ARHGEF37: variants seen among roughly 807,000 people sequenced by gnomAD.
The protein encoded by ARHGEF37 is Rho guanine nucleotide exchange factor 37.
A neutral mutation model predicts 71.1 loss-of-function variants in ARHGEF37; 55 were observed. The ratio of observed to expected loss-of-function variants is 0.77; its 90% CI spans 0.62 to 0.97. ARHGEF37 has a LOEUF of 0.97. Among genes scored for constraint, ARHGEF37 ranks in the 50% least tolerant of loss-of-function variants. ARHGEF37 has a pLI of 0.00. For synonymous variants in ARHGEF37, 327 were observed against 350.6 expected (o/e 0.93, Z 0.75); for missense variants, 765 against 836.8 (o/e 0.91, Z 1.06).
chr5:149,601,017 T>G, intron 2 of ARHGEF37, 91 bp from the exon 3 acceptor site: 1 of 1,396,812 alleles, frequency 7.2e-7, no homozygotes, highest in South Asian at 1.4e-5. Context: ...GTGATGGGAA[T>G]GGTGTGAGTG....
intron 1 of ARHGEF37, among the ~76,000 whole-genome samples, chr5:149,575,075 A>G (rs1308417250): frequency 6.6e-6 from 1 of 152,182 alleles, no homozygotes; most frequent in Admixed American, 6.5e-5. Context: ...TGAGTATGGC[A>G]CCCATGCCCT....
At chr5:149,587,872 G>C (rs1042453695) in intron 1 of ARHGEF37, among the ~76,000 whole-genome samples, 30 of 148,498 alleles carry the variant, frequency 2.0e-4, no homozygotes, top group African/African-American at 7.0e-4. Flanking sequence ...TCTTGTTTCT[G>C]TAGGTCTTCC....
intron 3 of ARHGEF37, among the ~76,000 whole-genome samples, chr5:149,602,565 G>T (rs1763787514): frequency 6.6e-6 from 1 of 151,538 alleles, no homozygotes; most frequent in Non-Finnish European, 1.5e-5. Flanking sequence ...ATGGCTCACT[G>T]CAGCCTCTAC....
At chr5:149,553,892 G>C (rs368150408) in intron 1 of ARHGEF37, among the ~76,000 whole-genome samples, 95 of 152,296 alleles carry the variant, frequency 6.2e-4, no homozygotes, top group African/African-American at 2.2e-3. Context: ...TTGAGCCCGG[G>C]TGCAGTGGCT....
intron 1 of ARHGEF37, among the ~76,000 whole-genome samples, chr5:149,558,200 G>A (rs1436847011): frequency 6.6e-6 from 1 of 151,388 alleles, no homozygotes; most frequent in Non-Finnish European, 1.5e-5. Flanking sequence ...CTTTTTTTAC[G>A]TTCTTAGAAA....
At chr5:149,571,057 C>T (rs1314022202) in intron 1 of ARHGEF37, among the ~76,000 whole-genome samples, 1 of 151,842 alleles carries the variant, frequency 6.6e-6, no homozygotes, top group African/African-American at 2.4e-5. Context: ...ATTCTCCTGC[C>T]TCAGCCTCCC....
At chr5:149,591,317 A>C (rs1763399171) in intron 1 of ARHGEF37, among the ~76,000 whole-genome samples, 1 of 152,090 alleles carries the variant, frequency 6.6e-6, no homozygotes, top group African/African-American at 2.4e-5. Context: ...TCCTGAGCTC[A>C]GTCAATCCAC....
rs187760278 is a variant in ARHGEF37, at chr5:149,619,136, C to T, written c.894+94C>T. ...CCCAGCCTACAAGCTGGGAAAGGCA[C>T]CAGCCTCAGAAACCAACCAGATGAG... is the stretch of plus-strand genomic sequence containing the variant. On this transcript the variant is annotated intron_variant, in intron 7 of 12. Coordinates refer to ENST00000333677, the MANE Select transcript of ARHGEF37 (RefSeq NM_001001669.3). 1.1e-4 allele frequency: 113 copies of T among 1,048,752 alleles called. 1 individual carries two copies. In the East Asian group the frequency reaches 2.5e-3, roughly 23 times the overall value. 65.0% of individuals were successfully genotyped at this position (1,048,752 alleles called of 1,614,324 possible). A position where few individuals can be genotyped will look rare whatever the true frequency, so the allele number is the denominator to read the frequency against.
At chr5:149,598,539 C>T (rs922940161) in intron 2 of ARHGEF37, among the ~76,000 whole-genome samples, 14 of 150,430 alleles carry the variant, frequency 9.3e-5, no homozygotes, top group African/African-American at 2.9e-4. Flanking sequence ...TCTCTTTATT[C>T]GATCACAAAG....
intron 1 of ARHGEF37, among the ~76,000 whole-genome samples, chr5:149,588,227 T>TTTGTTTGC (rs5872137): frequency 3.9e-4 from 59 of 151,498 alleles, no homozygotes; most frequent in East Asian, 7.9e-4. Flanking sequence ...TGTTTGTTTG[T>TTTGTTTGC]TTGCTTTGAG....
At chr5:149,588,823 G>T (rs1392565096) in intron 1 of ARHGEF37, among the ~76,000 whole-genome samples, 1 of 152,170 alleles carries the variant, frequency 6.6e-6, no homozygotes, top group Non-Finnish European at 1.5e-5. Context: ...CTAGCTGATG[G>T]ATCCTCAACT....
intron 1 of ARHGEF37, among the ~76,000 whole-genome samples, chr5:149,557,918 T>A (rs1040720858): frequency 6.7e-6 from 1 of 149,400 alleles, no homozygotes; most frequent in Non-Finnish European, 1.5e-5. Flanking sequence ...CAGGCTGGAG[T>A]GCAATGGCAC....
At chr5:149,611,258 C>T (rs567659510) in intron 4 of ARHGEF37, among the ~76,000 whole-genome samples, 2 of 152,322 alleles carry the variant, frequency 1.3e-5, no homozygotes, top group South Asian at 4.1e-4. Flanking sequence ...GCAGGAGCTT[C>T]ATAGTGACAA....
At chr5:149,559,760 T>G (rs1271798520) in intron 1 of ARHGEF37, among the ~76,000 whole-genome samples, 1 of 152,216 alleles carries the variant, frequency 6.6e-6, no homozygotes, top group Non-Finnish European at 1.5e-5. Flanking sequence ...AAGAGATTGT[T>G]AGGTTTTCTT....
chr5:149,578,840 T>G (rs527756420), upstream of ARHGEF37, among the ~76,000 whole-genome samples: 12 of 152,202 alleles, frequency 7.9e-5, no homozygotes, highest in Non-Finnish European at 1.8e-4. Flanking sequence ...ACTGAGAAAA[T>G]AATGCCCCTT....
chr5:149,631,940 T>G, intron 12 of ARHGEF37, 42 bp from the exon 13 acceptor site: 2 of 1,603,318 alleles, frequency 1.2e-6, no homozygotes, highest in South Asian at 1.1e-5. Flanking sequence ...CTGTCTACCT[T>G]CTCACCCTGA....
upstream of ARHGEF37, among the ~76,000 whole-genome samples, chr5:149,577,897 A>G (rs1320632796): frequency 6.6e-6 from 1 of 152,248 alleles, no homozygotes; most frequent in African/African-American, 2.4e-5. Context: ...GAATGAAGAG[A>G]AGCAGGCAAT....
At chr5:149,618,796 C>A (rs764614309) in intron 6 of ARHGEF37, 142 bp from the exon 7 acceptor site, 9 of 705,996 alleles carry the variant, frequency 1.3e-5, no homozygotes, top group Non-Finnish European at 2.3e-5. Flanking sequence ...AGCTACACCA[C>A]CCTCTCAGCT....
At chr5:149,615,308 T>C in intron 4 of ARHGEF37, among the ~76,000 whole-genome samples, 1 of 151,038 alleles carries the variant, frequency 6.6e-6, no homozygotes, top group East Asian at 1.9e-4. Flanking sequence ...CTAGTTAATT[T>C]TTTTTTTTTT....
Sources: gnomAD v4.1 joint callset for allele counts (sites outside exome capture counted in the v4.1 genomes callset) on GRCh38, gnomAD v4.1.1 for gene constraint, MANE v1.5 for transcripts, NCBI Gene and HGNC (gene_info 2026-07-23, HGNC 2026-07-21) for gene names.